Variants in CFAP263 observed in about 807,000 individuals in gnomAD.
CFAP263 encodes the protein cilia and flagella associated protein 263, also known as cilia- and flagella-associated protein 263.
chr16:58,263,520 C>A, the CFAP263 span, among the ~76,000 whole-genome samples: 1 of 152,186 alleles, frequency 6.6e-6, no homozygotes, highest in Admixed American at 6.5e-5. Context: ...TTTTGCCGAC[C>A]CCTCGCATAG....
At chr16:58,274,900 G>C in the CFAP263 span, among the ~76,000 whole-genome samples, 1 of 152,200 alleles carries the variant, frequency 6.6e-6, no homozygotes, top group Non-Finnish European at 1.5e-5. Context: ...GGGTTGCTGG[G>C]TGGGGATCTT....
At chr16:58,266,393 ATATATATATATATTTTTTTT>A in the CFAP263 span, among the ~76,000 whole-genome samples, 1 of 33,704 alleles carries the variant, frequency 3.0e-5, no homozygotes, top group African/African-American at 1.4e-4. Context: ...ATATATATAT[ATATATATATATATTTTTTTT>A]TTTTTTTTTT....
chr16:58,278,383 A>G, the CFAP263 span: 1 of 1,029,040 alleles, frequency 9.7e-7, no homozygotes. Flanking sequence ...TTATTTTTGG[A>G]ACTCTATTGG....
chr16:58,271,609 G>A, the CFAP263 span, among the ~76,000 whole-genome samples: 2 of 152,158 alleles, frequency 1.3e-5, no homozygotes, highest in African/African-American at 4.8e-5. Flanking sequence ...ACAGTTTTGA[G>A]GAGTACCTGT....
the CFAP263 span, among the ~76,000 whole-genome samples, chr16:58,251,617 C>T: frequency 6.6e-6 from 1 of 152,192 alleles, no homozygotes; most frequent in African/African-American, 2.4e-5. Context: ...GTCTCGAACT[C>T]CTGACCTCAG....
At chr16:58,257,007 T>A in the CFAP263 span, among the ~76,000 whole-genome samples, 1 of 73,154 alleles carries the variant, frequency 1.4e-5, no homozygotes, top group Non-Finnish European at 2.6e-5. Context: ...TATGCATATA[T>A]GAATTTCTTT....
the CFAP263 span, among the ~76,000 whole-genome samples, chr16:58,253,416 T>G: frequency 6.6e-6 from 1 of 151,848 alleles, no homozygotes; most frequent in Non-Finnish European, 1.5e-5. Flanking sequence ...TCATTTAAAT[T>G]GAGGGACTCA....
the CFAP263 span, among the ~76,000 whole-genome samples, chr16:58,276,630 G>A: frequency 6.6e-6 from 1 of 152,162 alleles, no homozygotes; most frequent in Non-Finnish European, 1.5e-5. Context: ...CCACTGCCTG[G>A]AACAAGCAAT....
At chr16:58,278,345 C>T in the CFAP263 span, 1 of 781,414 alleles carries the variant, frequency 1.3e-6, no homozygotes, top group Non-Finnish European at 2.0e-6. Flanking sequence ...ATTCCCACCC[C>T]TCCCCAACCT....
the CFAP263 span, among the ~76,000 whole-genome samples, chr16:58,273,146 T>A: frequency 1.3e-5 from 2 of 152,234 alleles, no homozygotes; most frequent in Admixed American, 6.5e-5. Flanking sequence ...TTGAATATGA[T>A]GAGTCTGGGT....
chr16:58,279,720 G>C, the CFAP263 span: 4 of 1,611,946 alleles, frequency 2.5e-6, no homozygotes, highest in Non-Finnish European at 2.5e-6. Flanking sequence ...GTAAGGCTTG[G>C]AATCGAATGA....
At chr16:58,269,850 G>T in the CFAP263 span, among the ~76,000 whole-genome samples, 1 of 152,028 alleles carries the variant, frequency 6.6e-6, no homozygotes, top group Non-Finnish European at 1.5e-5. Context: ...TTTTCTCTTG[G>T]ACATACACCT....
At chr16:58,274,533 C>T in the CFAP263 span, among the ~76,000 whole-genome samples, 1 of 152,138 alleles carries the variant, frequency 6.6e-6, no homozygotes, top group Admixed American at 6.6e-5. Flanking sequence ...GTGCAGTTTA[C>T]CCAATGCTGT....
the CFAP263 span, chr16:58,283,668 A>G: frequency 6.6e-6 from 1 of 152,168 alleles, no homozygotes; most frequent in Non-Finnish European, 1.5e-5. Flanking sequence ...TCTTCACTGT[A>G]TTTTAACACA....
At chr16:58,265,082 C>T in the CFAP263 span, among the ~76,000 whole-genome samples, 3 of 152,178 alleles carry the variant, frequency 2.0e-5, no homozygotes, top group Non-Finnish European at 2.9e-5. Context: ...ACTACAGCTG[C>T]GATGAGTCAC....
At chr16:58,267,324 C>T in the CFAP263 span, among the ~76,000 whole-genome samples, 1 of 152,180 alleles carries the variant, frequency 6.6e-6, no homozygotes, top group Non-Finnish European at 1.5e-5. Context: ...AGTTCTCAGA[C>T]ATCAGGATTT....
At chr16:58,262,763 G>A in the CFAP263 span, among the ~76,000 whole-genome samples, 4 of 78,412 alleles carry the variant, frequency 5.1e-5, no homozygotes, top group South Asian at 3.4e-4. Context: ...TAGATGATAG[G>A]TAGATAGATA....
At chr16:58,253,188 G>A in the CFAP263 span, among the ~76,000 whole-genome samples, 3 of 151,880 alleles carry the variant, frequency 2.0e-5, no homozygotes, top group Admixed American at 2.0e-4. Context: ...GACCTTCCTG[G>A]GCAATATTGC....
At chr16:58,270,288 C>T in the CFAP263 span, among the ~76,000 whole-genome samples, 8 of 152,122 alleles carry the variant, frequency 5.3e-5, no homozygotes, top group Non-Finnish European at 1.2e-4. Flanking sequence ...CTTAAATATG[C>T]TCAGAACACT....
Sources: allele counts gnomAD v4.1 joint callset (sites outside exome capture counted in the v4.1 genomes callset), GRCh38; gene constraint gnomAD v4.1.1; transcripts MANE v1.5; gene names NCBI Gene and HGNC (gene_info 2026-07-23, HGNC 2026-07-21).